The following PDE1C variants were observed in gnomAD, a reference collection of about 807,000 sequenced individuals.
PDE1C encodes dual specificity calcium/calmodulin-dependent 3',5'-cyclic nucleotide phosphodiesterase 1C.
PDE1C carries 62 observed loss-of-function variants against 93.1 expected under a neutral mutation model. The observed-to-expected ratio is 0.67, with a 90% CI of 0.54 to 0.82. PDE1C has a LOEUF of 0.82. Ranked by LOEUF, PDE1C falls within the 40% of genes least tolerant of loss-of-function variation. The pLI, the probability that PDE1C is intolerant of heterozygous loss-of-function variation, is 0.00. For synonymous variants in PDE1C, 325 were observed against 310.1 expected, an observed-to-expected ratio of 1.05 and a Z score of -0.50; for missense variants, 742 against 884.6, an observed-to-expected ratio of 0.84 and a Z score of 2.04.
chr7:31,625,752 C>A, the PDE1C span, among the ~76,000 whole-genome samples: 1 of 151,720 alleles, frequency 6.6e-6, no homozygotes, highest in Non-Finnish European at 1.5e-5. Flanking sequence ...TGCACATGTA[C>A]CCTAAACTTA....
chr7:32,142,694 C>T (rs1800609195), intron 3 of PDE1C, among the ~76,000 whole-genome samples: 1 of 152,150 alleles, frequency 6.6e-6, no homozygotes, highest in African/African-American at 2.4e-5. Context: ...CAGCTGGAAG[C>T]TAAGGCCTCT....
intron 17 of PDE1C, among the ~76,000 whole-genome samples, chr7:31,771,045 C>G (rs1400367972): frequency 1.3e-5 from 2 of 152,060 alleles, no homozygotes; most frequent in Non-Finnish European, 2.9e-5. Context: ...TCTCTGCTTT[C>G]TTGGGTTTGT....
intron 7 of PDE1C, among the ~76,000 whole-genome samples, chr7:31,855,630 T>C (rs144495150): frequency 1.3e-5 from 2 of 151,202 alleles, no homozygotes; most frequent in African/African-American, 4.9e-5. Flanking sequence ...TGTTAATACA[T>C]TGATATTATG....
rs555134382 is a variant in PDE1C, at chr7:31,833,366, G to A, written c.1203+3814C>T. On this transcript the variant is annotated intron_variant, in intron 11 of 17. Transcript: ENST00000396191. Reference sequence around the variant, plus strand: ...AGTAAATTGGTACTGGTAGAGTGTGGCTCTGCTATAAAGATACCTGATATG... The same window carrying A: ...AGTAAATTGGTACTGGTAGAGTGTGACTCTGCTATAAAGATACCTGATATG... Among the ~76,000 whole-genome samples the A allele has an allele frequency of 3.9e-5, 6 of 152,276 alleles. No individual in the cohort carries two copies. The South Asian group carries it at 1.2e-3, about 32-fold the overall frequency.
the PDE1C span, among the ~76,000 whole-genome samples, chr7:31,635,216 A>C: frequency 1.3e-5 from 2 of 152,166 alleles, no homozygotes; most frequent in African/African-American, 4.8e-5. Flanking sequence ...ACTCTAAGGG[A>C]ATATTTAGAA....
intron 2 of PDE1C, among the ~76,000 whole-genome samples, chr7:31,975,141 TG>T (rs1461146044): frequency 6.6e-6 from 1 of 152,160 alleles, no homozygotes; most frequent in African/African-American, 2.4e-5. Flanking sequence ...TACAGTCCTA[TG>T]CCTCTCACCC....
intron 1 of PDE1C, among the ~76,000 whole-genome samples, chr7:32,058,849 C>A (rs570748645): frequency 1.3e-5 from 2 of 151,944 alleles, no homozygotes; most frequent in Non-Finnish European, 2.9e-5. Flanking sequence ...GTCTTACTAG[C>A]TCGAATATTT....
chr7:31,753,453 G>C lies in PDE1C; in HGVS notation c.2061C>G (p.Tyr687Ter). The C allele has an allele frequency of 6.2e-7, 1 of 1,612,666 alleles. No homozygotes were observed. Among genetic ancestry groups the C allele is most frequent in the Non-Finnish European group, 8.5e-7 (1 of 1,179,758 alleles). Residue 687 changes from tyrosine (Y) to a stop codon, truncating the protein, a stop_gained, in exon 18 of 18, where the codon TAC becomes TAG. Transcript: ENST00000396191. LOFTEE classifies it high-confidence loss of function. ...TTTTGATCCTCTGATCCAGCATCTT[G>C]TACCTTGCAGGATGCTCATCAGTTT... ...SKKTDEHPARYKMLDQRIKMK... is the reference protein window; with the variant it reads ...SKKTDEHPAR
the PDE1C span, among the ~76,000 whole-genome samples, chr7:31,730,937 C>G: frequency 2.0e-5 from 3 of 151,940 alleles, no homozygotes; most frequent in Admixed American, 1.3e-4. Context: ...CCTAAAATAT[C>G]CCAATAAGTC....
chr7:32,130,655 T>C (rs1442022845), intron 3 of PDE1C, among the ~76,000 whole-genome samples: 1 of 152,080 alleles, frequency 6.6e-6, no homozygotes, highest in Admixed American at 6.6e-5. Flanking sequence ...CTTGTCCCTG[T>C]AGTATTCACC....
chr7:32,241,193 G>A (rs78431146), intron 1 of PDE1C, among the ~76,000 whole-genome samples: 1,794 of 152,304 alleles, frequency 0.012, 42 homozygotes, highest in African/African-American at 0.041. Flanking sequence ...GAAAAGTTCA[G>A]GCTACAGTAG....
chr7:32,253,214 T>A (rs1809519199), intron 1 of PDE1C, among the ~76,000 whole-genome samples: 1 of 152,162 alleles, frequency 6.6e-6, no homozygotes, highest in Non-Finnish European at 1.5e-5. Context: ...AAATTTAAGG[T>A]CATCCCCAGA....
chr7:31,838,194 T>C (rs540846978), intron 9 of PDE1C, among the ~76,000 whole-genome samples: 1 of 152,288 alleles, frequency 6.6e-6, no homozygotes, highest in South Asian at 2.1e-4. Flanking sequence ...CACATATCAT[T>C]TGGAAAATTA....
At chr7:32,082,157 C>G (rs1016151676) in intron 3 of PDE1C, among the ~76,000 whole-genome samples, 1 of 129,268 alleles carries the variant, frequency 7.7e-6, no homozygotes, top group Non-Finnish European at 1.7e-5. Context: ...TCACTCCCAC[C>G]CTAATAATGC....
intron 11 of PDE1C, among the ~76,000 whole-genome samples, chr7:31,835,952 G>C (rs1323369106): frequency 6.6e-6 from 1 of 152,160 alleles, no homozygotes; most frequent in Non-Finnish European, 1.5e-5. Context: ...TAAATAAATA[G>C]CAAAAGAGCC....
chr7:31,694,765 G>A, the PDE1C span, among the ~76,000 whole-genome samples: 7 of 152,128 alleles, frequency 4.6e-5, no homozygotes, highest in Non-Finnish European at 8.8e-5. Flanking sequence ...TGGGCAGGGC[G>A]TGATCAGATT....
intron 1 of PDE1C, among the ~76,000 whole-genome samples, chr7:32,269,182 A>C (rs1218928385): frequency 3.3e-5 from 5 of 152,318 alleles, no homozygotes; most frequent in South Asian, 2.1e-4. Context: ...ACTGCCTTAA[A>C]CCAGTGCTTC....
intron 2 of PDE1C, among the ~76,000 whole-genome samples, chr7:31,982,783 C>A (rs1812566598): frequency 6.6e-6 from 1 of 151,848 alleles, no homozygotes; most frequent in South Asian, 2.1e-4. Flanking sequence ...AAATCAAAAT[C>A]AAAAGTTGGA....
chr7:32,116,613 AC>A (rs758432515), intron 3 of PDE1C, among the ~76,000 whole-genome samples: 4 of 152,158 alleles, frequency 2.6e-5, no homozygotes, highest in African/African-American at 4.8e-5. Context: ...CTCCTGATTC[AC>A]CACCTGGGGA....
Sources: allele counts gnomAD v4.1 joint callset (sites outside exome capture counted in the v4.1 genomes callset), GRCh38; gene constraint gnomAD v4.1.1; transcripts MANE v1.5; gene names NCBI Gene and HGNC (gene_info 2026-07-23, HGNC 2026-07-21).